TLL2: variants seen among roughly 807,000 people sequenced by gnomAD.
TLL2 encodes the protein tolloid like 2.
Under a neutral mutation model 123.0 loss-of-function variants are expected in TLL2, and 106 were observed. The observed-to-expected ratio is 0.86, with a 90% CI of 0.74 to 1.01. The LOEUF is 1.01. Among genes scored for constraint, TLL2 ranks in the 50% least tolerant of loss-of-function variants. TLL2 has a pLI of 0.00. For synonymous variants in TLL2, 494 were observed against 516.8 expected (o/e 0.96, Z 0.60); for missense variants, 1,332 against 1,336.7 (o/e 1.00, Z 0.06).
chr10:96,432,670 A>AG (rs1846756115), intron 4 of TLL2, 137 bp downstream of exon 4: 2 of 1,105,452 alleles, frequency 1.8e-6, no homozygotes, highest in African/African-American at 1.6e-5. Flanking sequence ...TGCCGGCAAG[A>AG]GGGGGGCATC....
intron 9 of TLL2, among the ~76,000 whole-genome samples, chr10:96,406,025 T>C (rs748819150): frequency 3.9e-5 from 6 of 152,032 alleles, no homozygotes; most frequent in Middle Eastern, 3.4e-3. Context: ...AAGAGAGGGA[T>C]TGTCATGAGG....
intron 1 of TLL2, among the ~76,000 whole-genome samples, chr10:96,494,149 G>A (rs568998557): frequency 1.3e-5 from 2 of 152,364 alleles, no homozygotes; most frequent in South Asian, 4.1e-4. Context: ...CAGAGTGCAG[G>A]AGGGGTTGGG....
chr10:96,466,573 A>T (rs1361382408), intron 2 of TLL2, among the ~76,000 whole-genome samples: 1 of 152,136 alleles, frequency 6.6e-6, no homozygotes, highest in Non-Finnish European at 1.5e-5. Context: ...CACACCCTTC[A>T]TGCAGCCTGG....
intron 2 of TLL2, among the ~76,000 whole-genome samples, chr10:96,476,195 A>G (rs1383133800): frequency 7.5e-6 from 1 of 133,072 alleles, no homozygotes; most frequent in Non-Finnish European, 1.6e-5. Flanking sequence ...AAGAGGATAA[A>G]GGTGTGGTTC....
Position 96,368,057 on chromosome 10 carries a change from T to G in TLL2, c.*31A>C. 6.2e-7 allele frequency: 1 copy of G among 1,609,552 alleles called. No individual in the cohort carries two copies. The highest frequency in any genetic ancestry group is 1.1e-5 in the South Asian group (1 of 90,834). ...AAAAACAAAACAAAACAAAAAAAAT[T>G]CTCAGTTTCTGTCTTTCAAGAACAT... is the stretch of plus-strand genomic sequence containing the variant. On this transcript the variant is annotated 3_prime_UTR_variant, in exon 21 of 21. Coordinates refer to ENST00000357947, the MANE Select transcript of TLL2 (RefSeq NM_012465.4).
intron 1 of TLL2, among the ~76,000 whole-genome samples, chr10:96,487,410 A>C (rs1847368145): frequency 6.6e-6 from 1 of 151,750 alleles, no homozygotes; most frequent in African/African-American, 2.4e-5. Context: ...ACCCCGACAC[A>C]CTCTTTCCTT....
At chr10:96,396,964 C>T (rs1249620339) in intron 11 of TLL2, among the ~76,000 whole-genome samples, 2 of 152,252 alleles carry the variant, frequency 1.3e-5, no homozygotes, top group South Asian at 2.1e-4. Flanking sequence ...AGTGGGATGG[C>T]GTCAGAAGGA....
intron 1 of TLL2, among the ~76,000 whole-genome samples, chr10:96,500,559 C>T (rs1847524466): frequency 6.6e-6 from 1 of 152,110 alleles, no homozygotes; most frequent in Non-Finnish European, 1.5e-5. Context: ...ATTGGGAGGC[C>T]AAGGCGGGTG....
intron 8 of TLL2, among the ~76,000 whole-genome samples, chr10:96,411,861 C>A (rs114341302): frequency 6.6e-6 from 1 of 152,114 alleles, no homozygotes; most frequent in African/African-American, 2.4e-5. Flanking sequence ...TCCTGGATGT[C>A]GGGGCTTCAA....
At chr10:96,416,498 G>C (rs1169602380) in intron 7 of TLL2, among the ~76,000 whole-genome samples, 3 of 152,210 alleles carry the variant, frequency 2.0e-5, no homozygotes, top group Non-Finnish European at 4.4e-5. Context: ...CAGAGCTTAA[G>C]TGACTTTCCC....
Position 96,421,073 on chromosome 10 carries a change from C to T in TLL2, c.818-12G>A. ...ATTATACTCCTGACCTGTGACACAA[C>T]ACTGTGTTAAGCCCTTTGAAAACCA... is the stretch of plus-strand genomic sequence containing the variant. On this transcript the variant is annotated splice_polypyrimidine_tract_variant and intron_variant, in intron 6 of 20. Transcript: ENST00000357947. 3 of 1,607,810 alleles carry T rather than the reference C, an allele frequency of 1.9e-6. No homozygotes were observed. Among genetic ancestry groups the T allele is most frequent in the Non-Finnish European group, 2.6e-6 (3 of 1,174,496 alleles).
intron 3 of TLL2, among the ~76,000 whole-genome samples, chr10:96,433,666 G>A (rs1186137555): frequency 6.6e-6 from 1 of 152,154 alleles, no homozygotes; most frequent in South Asian, 2.1e-4. Context: ...TTTGTTTTCA[G>A]TTGGCTTGCT....
chr10:96,505,686 C>T (rs1434356656), intron 1 of TLL2, among the ~76,000 whole-genome samples: 1 of 152,202 alleles, frequency 6.6e-6, no homozygotes, highest in African/African-American at 2.4e-5. Flanking sequence ...TGCTGCTTTG[C>T]CCACAGGCTG....
At chr10:96,411,112 G>A (rs768937939) in intron 8 of TLL2, among the ~76,000 whole-genome samples, 25 of 151,866 alleles carry the variant, frequency 1.6e-4, no homozygotes, top group Non-Finnish European at 4.4e-5. Flanking sequence ...TGGTAGTGGC[G>A]TGCACCTGTA....
chr10:96,395,725 G>T, intron 12 of TLL2, 150 bp downstream of exon 12: 1 of 987,816 alleles, frequency 1.0e-6, no homozygotes, highest in Non-Finnish European at 1.5e-6. Flanking sequence ...AGATGTTGAT[G>T]TCAGATGTCC....
intron 2 of TLL2, among the ~76,000 whole-genome samples, chr10:96,479,619 G>C (rs1219753334): frequency 6.6e-6 from 1 of 152,204 alleles, no homozygotes; most frequent in African/African-American, 2.4e-5. Flanking sequence ...CTCCATCAAG[G>C]CACCCCTGAT....
intron 1 of TLL2, among the ~76,000 whole-genome samples, chr10:96,497,728 C>A (rs1564919697): frequency 1.3e-5 from 2 of 152,234 alleles, no homozygotes; most frequent in Non-Finnish European, 2.9e-5. Flanking sequence ...CTTAACCCTG[C>A]ATCTCTAATT....
chr10:96,513,504 C>T lies in TLL2; in HGVS notation c.175+7G>A. ...TTCTGCGGGACTTCCCCAGCGGCGG[C>T]ACCTACCGGCTTTGCAAGGGTCGTG... is the stretch of plus-strand genomic sequence containing the variant. On this transcript the variant is annotated splice_region_variant and intron_variant, in intron 1 of 20. Coordinates refer to ENST00000357947, the MANE Select transcript of TLL2 (RefSeq NM_012465.4). 1 of 1,612,018 alleles carries T rather than the reference C, an allele frequency of 6.2e-7. No individual in the cohort carries two copies.
intron 1 of TLL2, among the ~76,000 whole-genome samples, chr10:96,505,810 T>C (rs1388715558): frequency 6.6e-6 from 1 of 152,226 alleles, no homozygotes; most frequent in East Asian, 1.9e-4. Context: ...ATATTTCATA[T>C]TTATTGAGTG....
Sources: gnomAD v4.1 joint callset for allele counts (sites outside exome capture counted in the v4.1 genomes callset) on GRCh38, gnomAD v4.1.1 for gene constraint, MANE v1.5 for transcripts, NCBI Gene and HGNC (gene_info 2026-07-23, HGNC 2026-07-21) for gene names.